Variants in WWOX observed in about 807,000 individuals in gnomAD.
The protein encoded by WWOX is WW domain containing oxidoreductase.
A neutral mutation model predicts 46.2 loss-of-function variants in WWOX; 69 were observed. That is an observed-to-expected ratio of 1.49 (90% CI 1.23 to 1.82). The LOEUF is 1.82. Among genes scored for constraint, WWOX ranks in the 40% most tolerant of loss-of-function variants. The probability of loss-of-function intolerance (pLI) is 0.00; values close to 1 mark genes in which losing one functional copy is unlikely to be tolerated. For missense variants in WWOX, 919 were observed against 542.6 expected, an observed-to-expected ratio of 1.69 and a Z score of -6.89; for synonymous variants, 359 against 202.6, an observed-to-expected ratio of 1.77 and a Z score of -6.56.
intron 8 of WWOX, among the ~76,000 whole-genome samples, chr16:78,955,510 T>G (rs2046147271): frequency 6.6e-6 from 1 of 152,198 alleles, no homozygotes; most frequent in South Asian, 2.1e-4. Context: ...GTTCACCTCG[T>G]GTAAGCACAC....
chr16:78,260,936 CAAA>C (rs35410839), intron 5 of WWOX, among the ~76,000 whole-genome samples: 4 of 63,034 alleles, frequency 6.3e-5, no homozygotes, highest in Non-Finnish European at 7.2e-5. Context: ...GACTCCATCT[CAAA>C]AAAAAAAAAA....
intron 8 of WWOX, among the ~76,000 whole-genome samples, chr16:78,848,670 C>A (rs1312112447): frequency 6.6e-6 from 1 of 152,144 alleles, no homozygotes. Flanking sequence ...AGGGCTGACC[C>A]TGAAGCAGAA....
intron 8 of WWOX, among the ~76,000 whole-genome samples, chr16:78,887,082 GTGTGTGTGTGTGTGTGTGTGTGT>G (rs1567627180): frequency 0.084 from 1,082 of 12,894 alleles, 36 homozygotes; most frequent in East Asian, 0.39. Context: ...TGTGTGGTGT[GTGTGTGTGTGTGTGTGTGTGTGT>G]GTGTGTGTGT....
intron 8 of WWOX, among the ~76,000 whole-genome samples, chr16:78,767,492 G>C (rs1251688038): frequency 6.6e-6 from 1 of 151,606 alleles, no homozygotes. Flanking sequence ...CTGTGTGTGT[G>C]TGTGTGTGTG....
chr16:78,162,014 C>T (rs567583943), intron 4 of WWOX, among the ~76,000 whole-genome samples: 1 of 152,110 alleles, frequency 6.6e-6, no homozygotes, highest in Middle Eastern at 3.4e-3. Context: ...ATGTCGTTAC[C>T]CTTTATGTTG....
intron 8 of WWOX, among the ~76,000 whole-genome samples, chr16:78,881,520 C>G (rs572600370): frequency 1.9e-4 from 29 of 152,308 alleles, no homozygotes; most frequent in African/African-American, 6.7e-4. Context: ...GGAGGGCCAA[C>G]TATTTGCCAG....
intron 3 of WWOX, 38 bp downstream of exon 3, chr16:78,109,873 CT>C (rs1299297578): frequency 6.2e-7 from 1 of 1,610,856 alleles, no homozygotes. Context: ...AGCTGTTTTG[CT>C]TTTTAATAGG....
chr16:79,036,113 G>A (rs1476159831), intron 8 of WWOX, among the ~76,000 whole-genome samples: 1 of 151,838 alleles, frequency 6.6e-6, no homozygotes, highest in Non-Finnish European at 1.5e-5. Context: ...CCACACCCTG[G>A]GCTATCTTTC....
At chr16:78,107,992 G>C (rs576381414) in intron 1 of WWOX, among the ~76,000 whole-genome samples, 1 of 151,986 alleles carries the variant, frequency 6.6e-6, no homozygotes, top group East Asian at 1.9e-4. Context: ...GCAGCGGCGT[G>C]ATCTCGGCTC....
intron 8 of WWOX, among the ~76,000 whole-genome samples, chr16:78,618,027 G>A (rs1021410270): frequency 1.4e-4 from 22 of 152,178 alleles, no homozygotes; most frequent in African/African-American, 5.3e-4. Context: ...TGAGCCAGAT[G>A]TAGTGTTCAG....
chr16:78,139,591 G>C (rs1376406628), intron 4 of WWOX, among the ~76,000 whole-genome samples: 1 of 152,180 alleles, frequency 6.6e-6, no homozygotes, highest in Non-Finnish European at 1.5e-5. Flanking sequence ...GTTGCAGCGA[G>C]CTGAGATTGC....
At chr16:79,081,659 G>A (rs1294094097) in intron 8 of WWOX, among the ~76,000 whole-genome samples, 3 of 152,072 alleles carry the variant, frequency 2.0e-5, no homozygotes, top group African/African-American at 4.8e-5. Flanking sequence ...AGTGAGACCC[G>A]TATCAATGGA....
chr16:78,970,519 G>A (rs2046449156), intron 8 of WWOX, among the ~76,000 whole-genome samples: 1 of 152,210 alleles, frequency 6.6e-6, no homozygotes, highest in Non-Finnish European at 1.5e-5. Flanking sequence ...AAGGCATTGT[G>A]TTTGAGCTAG....
intron 5 of WWOX, among the ~76,000 whole-genome samples, chr16:78,336,609 C>T (rs571848200): frequency 8.6e-5 from 13 of 150,444 alleles, no homozygotes; most frequent in African/African-American, 2.7e-4. Flanking sequence ...TGTCAAACAA[C>T]ACAGTCCCCA....
intron 5 of WWOX, among the ~76,000 whole-genome samples, chr16:78,280,511 G>C (rs1297206878): frequency 6.6e-6 from 1 of 152,142 alleles, no homozygotes; most frequent in African/African-American, 2.4e-5. Flanking sequence ...TATAAGAAAA[G>C]AGGTTTAATT....
At chr16:78,877,447 T>C (rs1350574759) in intron 8 of WWOX, among the ~76,000 whole-genome samples, 2 of 152,168 alleles carry the variant, frequency 1.3e-5, no homozygotes, top group African/African-American at 4.8e-5. Flanking sequence ...CATGAGCTGT[T>C]CTTCTCCAAA....
At chr16:78,308,871 G>A (rs937506247) in intron 5 of WWOX, among the ~76,000 whole-genome samples, 2 of 152,066 alleles carry the variant, frequency 1.3e-5, no homozygotes, top group African/African-American at 4.8e-5. Context: ...GAAGATCCTT[G>A]AATCTACCTG....
At chr16:78,234,045 T>G (rs2151811036) in intron 5 of WWOX, among the ~76,000 whole-genome samples, 1 of 152,228 alleles carries the variant, frequency 6.6e-6, no homozygotes, top group Non-Finnish European at 1.5e-5. Flanking sequence ...TGGCAGGTCG[T>G]GGGACCAGCA....
At chr16:78,858,210 C>A (rs188705000) in intron 8 of WWOX, among the ~76,000 whole-genome samples, 1 of 141,730 alleles carries the variant, frequency 7.1e-6, no homozygotes, top group African/African-American at 2.7e-5. Context: ...TTATTTCAAT[C>A]GTTTTAGGGG....
Sources: gnomAD v4.1 joint callset for allele counts (sites outside exome capture counted in the v4.1 genomes callset) on GRCh38, gnomAD v4.1.1 for gene constraint, MANE v1.5 for transcripts, NCBI Gene and HGNC (gene_info 2026-07-23, HGNC 2026-07-21) for gene names.